The following HECW1 variants were observed in gnomAD, a reference collection of about 807,000 sequenced individuals.
The protein encoded by HECW1 is HECT, C2 and WW domain containing E3 ubiquitin protein ligase 1, also known as E3 ubiquitin-protein ligase HECW1.
Under a neutral mutation model 182.3 loss-of-function variants are expected in HECW1, and 61 were observed. That is an observed-to-expected ratio of 0.33 (90% CI 0.27 to 0.41). The LOEUF (loss-of-function observed/expected upper bound fraction) is 0.41, where lower values mean the gene tolerates loss of function less well. Ranked by LOEUF, HECW1 falls within the 10% of genes least tolerant of loss-of-function variation. HECW1 has a pLI of 1.00. For synonymous variants in HECW1, 859 were observed against 832.6 expected (o/e 1.03, Z -0.55); for missense variants, 1,739 against 2,108.9 (o/e 0.82, Z 3.44).
chr7:43,123,864 TC>T (rs1785898579), intron 2 of HECW1, among the ~76,000 whole-genome samples: 1 of 152,210 alleles, frequency 6.6e-6, no homozygotes, highest in Non-Finnish European at 1.5e-5. Flanking sequence ...TGTGTCCTGC[TC>T]TCAGTTAAAC....
chr7:43,117,204 T>C (rs1248006061), intron 2 of HECW1, among the ~76,000 whole-genome samples: 1 of 152,236 alleles, frequency 6.6e-6, no homozygotes, highest in African/African-American at 2.4e-5. Context: ...GGGGGTTTAA[T>C]AGCCAAGGTT....
At chr7:43,420,075 C>T (rs2076132302) in intron 8 of HECW1, among the ~76,000 whole-genome samples, 1 of 152,194 alleles carries the variant, frequency 6.6e-6, no homozygotes, top group Non-Finnish European at 1.5e-5. Context: ...AGGCTATGAC[C>T]TAATGCTTAC....
At chr7:43,309,342 T>C (rs1260674930) in intron 3 of HECW1, among the ~76,000 whole-genome samples, 3 of 152,164 alleles carry the variant, frequency 2.0e-5, no homozygotes, top group Non-Finnish European at 4.4e-5. Context: ...GCTGCCCTGC[T>C]TACCCCGGAC....
chr7:43,215,830 G>A (rs777308394), intron 2 of HECW1, among the ~76,000 whole-genome samples: 1 of 152,200 alleles, frequency 6.6e-6, no homozygotes. Context: ...TGCTGAAGGA[G>A]TTAGGTCAAC....
At chr7:43,435,239 ATATAT>A (rs2076674412) in intron 8 of HECW1, among the ~76,000 whole-genome samples, 2 of 152,090 alleles carry the variant, frequency 1.3e-5, no homozygotes, top group African/African-American at 4.8e-5. Context: ...AGATTAGAAG[ATATAT>A]TATAATACAC....
intron 5 of HECW1, among the ~76,000 whole-genome samples, chr7:43,341,629 T>A (rs1482741143): frequency 6.6e-6 from 1 of 151,812 alleles, no homozygotes; most frequent in East Asian, 1.9e-4. Flanking sequence ...AATGTGAAAT[T>A]CTTAAAAATA....
chr7:43,422,333 A>C (rs12666458), intron 8 of HECW1, among the ~76,000 whole-genome samples: 1 of 150,144 alleles, frequency 6.7e-6, no homozygotes, highest in African/African-American at 2.5e-5. Context: ...TTTAGAGTAT[A>C]CTTCTCTTTT....
chr7:43,225,065 A>C (rs922354095), intron 2 of HECW1, among the ~76,000 whole-genome samples: 1 of 152,160 alleles, frequency 6.6e-6, no homozygotes, highest in Non-Finnish European at 1.5e-5. Context: ...TCCTGTAGCA[A>C]AGGTGTGGGG....
At chr7:43,325,615 G>A (rs945080759) in intron 5 of HECW1, among the ~76,000 whole-genome samples, 39 of 150,860 alleles carry the variant, frequency 2.6e-4, no homozygotes, top group Admixed American at 2.2e-3. Flanking sequence ...CTTCTCCCCC[G>A]CCCTTGTGTT....
At chr7:43,558,213 C>T (rs946895127) in intron 29 of HECW1, among the ~76,000 whole-genome samples, 1 of 152,106 alleles carries the variant, frequency 6.6e-6, no homozygotes, top group African/African-American at 2.4e-5. Context: ...AGGGCAGAAG[C>T]TAGGTCAGAG....
intron 2 of HECW1, among the ~76,000 whole-genome samples, chr7:43,139,184 G>T (rs568469846): frequency 2.0e-5 from 3 of 152,170 alleles, no homozygotes; most frequent in Non-Finnish European, 2.9e-5. Flanking sequence ...CTGACCCTAG[G>T]GGGGCTGCCA....
intron 2 of HECW1, among the ~76,000 whole-genome samples, chr7:43,149,295 C>T (rs1231210686): frequency 6.6e-6 from 1 of 152,154 alleles, no homozygotes; most frequent in Admixed American, 6.5e-5. Context: ...ATATGATGCA[C>T]TGAGAAAGAC....
At chr7:43,293,268 A>G (rs1292405854) in intron 3 of HECW1, among the ~76,000 whole-genome samples, 1 of 151,902 alleles carries the variant, frequency 6.6e-6, no homozygotes, top group African/African-American at 2.4e-5. Context: ...AAATGAAAGT[A>G]CACTCCACAG....
At chr7:43,497,240 A>G (rs1048682379) in intron 19 of HECW1, among the ~76,000 whole-genome samples, 3 of 152,276 alleles carry the variant, frequency 2.0e-5, no homozygotes, top group Non-Finnish European at 4.4e-5. Flanking sequence ...AGAGTATGCA[A>G]TGGCCCTGAG....
At position 43,501,290 on chromosome 7, in the gene HECW1, G is replaced by C. The variant is rs1464324871; in HGVS notation, c.3599G>C (p.Cys1200Ser). ...CCTGGGTATAGCTTCTCTCCCCGAT[G>C]TTCACCCTGTTCTTCACCTCAGAAC... is the stretch of plus-strand genomic sequence containing the variant. ...FHPGYSFSPRCSPCSSPQNSP... is the reference protein window; with the variant it reads ...FHPGYSFSPRSSPCSSPQNSP... The change falls in exon 21 of 30, where the codon TGT (cysteine) becomes TCT (serine). Residue 1200 changes from cysteine (C) to serine (S), a missense_variant. Physicochemically the swap from Cys to Ser is moderately radical, Grantham distance 112. This residue lies in a region of HECW1 where 420 missense variants were observed against 595.7 expected (regional missense o/e 0.71). Coordinates refer to ENST00000395891, the MANE Select transcript of HECW1 (RefSeq NM_015052.5). The C allele has an allele frequency of 6.2e-7, 1 of 1,603,976 alleles. No individual in the cohort carries two copies. Among genetic ancestry groups the C allele is most frequent in the Admixed American group, 1.7e-5 (1 of 58,962 alleles).
intron 2 of HECW1, among the ~76,000 whole-genome samples, chr7:43,137,844 C>T (rs1787730621): frequency 6.6e-6 from 1 of 152,166 alleles, no homozygotes; most frequent in Non-Finnish European, 1.5e-5. Context: ...GCCACCGTGC[C>T]CAGCCACTTT....
At chr7:43,478,258 A>T (rs1228659942) in intron 16 of HECW1, among the ~76,000 whole-genome samples, 2 of 151,868 alleles carry the variant, frequency 1.3e-5, no homozygotes, top group East Asian at 3.9e-4. Flanking sequence ...CTGTACTAAA[A>T]ATACAAAATT....
chr7:43,197,164 A>G (rs1794534851), intron 2 of HECW1, among the ~76,000 whole-genome samples: 1 of 152,182 alleles, frequency 6.6e-6, no homozygotes, highest in African/African-American at 2.4e-5. Flanking sequence ...ATAGAAAAAA[A>G]TAGTTTTTGT....
chr7:43,117,703 A>G (rs1785177611), intron 2 of HECW1, among the ~76,000 whole-genome samples: 1 of 152,156 alleles, frequency 6.6e-6, no homozygotes, highest in Non-Finnish European at 1.5e-5. Context: ...TAGCAATTTT[A>G]TGTATCCCAT....
Sources: gnomAD v4.1 joint callset for allele counts (sites outside exome capture counted in the v4.1 genomes callset) on GRCh38, gnomAD v4.1.1 for gene constraint, gnomAD v4.1.1 regional missense constraint, MANE v1.5 for transcripts, NCBI Gene and HGNC (gene_info 2026-07-23, HGNC 2026-07-21) for gene names.